The following NARS2 variants were observed in gnomAD, a reference collection of about 807,000 sequenced individuals.
NARS2 encodes the protein asparaginyl-tRNA synthetase 2, mitochondrial.
Under a neutral mutation model 62.9 loss-of-function variants are expected in NARS2, and 60 were observed. That is an observed-to-expected ratio of 0.95 (90% confidence interval 0.77 to 1.18). The LOEUF (loss-of-function observed/expected upper bound fraction) is 1.18. Ranked by LOEUF, NARS2 falls within the 50% of genes most tolerant of loss-of-function variation. The probability of loss-of-function intolerance (pLI) is 0.00; values close to 1 mark genes in which losing one functional copy is unlikely to be tolerated. For missense variants in NARS2, 619 were observed against 576.4 expected (o/e 1.07, Z -0.76); for synonymous variants, 196 against 200.0 (o/e 0.98, Z 0.17).
chr11:78,545,745 G>A (rs1000277333), intron 5 of NARS2, among the ~76,000 whole-genome samples: 7 of 151,994 alleles, frequency 4.6e-5, no homozygotes, highest in South Asian at 4.2e-4. Flanking sequence ...TATTGGCCAG[G>A]CTGGTCTCGA....
intron 6 of NARS2, among the ~76,000 whole-genome samples, chr11:78,516,408 T>A (rs1033647251): frequency 1.3e-5 from 2 of 152,246 alleles, no homozygotes; most frequent in African/African-American, 4.8e-5. Context: ...CACTTCCGTG[T>A]AATCACTCTA....
At chr11:78,548,108 A>G (rs912265495) in intron 5 of NARS2, among the ~76,000 whole-genome samples, 1 of 152,154 alleles carries the variant, frequency 6.6e-6, no homozygotes, top group Non-Finnish European at 1.5e-5. Context: ...CCAGCTACAC[A>G]GGAGGCTGAG....
chr11:78,565,001 A>C (rs1176068648), intron 4 of NARS2, among the ~76,000 whole-genome samples: 1 of 152,216 alleles, frequency 6.6e-6, no homozygotes, highest in Non-Finnish European at 1.5e-5. Flanking sequence ...TCTGCAAATT[A>C]GGTGGATCTG....
chr11:78,572,426 A>T (rs576348513), intron 1 of NARS2, among the ~76,000 whole-genome samples: 1 of 152,186 alleles, frequency 6.6e-6, no homozygotes, highest in African/African-American at 2.4e-5. Context: ...CGATTAGTAG[A>T]GTTGAGATTC....
chr11:78,467,713 T>C (rs1858682706), intron 10 of NARS2, among the ~76,000 whole-genome samples: 1 of 152,132 alleles, frequency 6.6e-6, no homozygotes, highest in Non-Finnish European at 1.5e-5. Context: ...AGTTATAAGA[T>C]GAACAAGTTC....
chr11:78,462,712 C>G (rs1414815039), intron 11 of NARS2, among the ~76,000 whole-genome samples: 1 of 152,030 alleles, frequency 6.6e-6, no homozygotes, highest in Non-Finnish European at 1.5e-5. Flanking sequence ...AAAGTTGTTT[C>G]TGGATTTAGA....
intron 11 of NARS2, among the ~76,000 whole-genome samples, chr11:78,449,778 TC>T (rs1359596898): frequency 6.6e-6 from 1 of 152,184 alleles, no homozygotes; most frequent in Admixed American, 6.5e-5. Context: ...CCAGTTATAC[TC>T]CCCTTGTTGT....
chr11:78,512,524 G>A (rs541034480), intron 6 of NARS2, among the ~76,000 whole-genome samples: 2 of 152,214 alleles, frequency 1.3e-5, no homozygotes, highest in South Asian at 4.1e-4. Context: ...TCTGTAATGT[G>A]GCCACTATAA....
At chr11:78,465,472 C>T (rs562856878) in intron 11 of NARS2, among the ~76,000 whole-genome samples, 155 of 152,374 alleles carry the variant, frequency 1.0e-3, no homozygotes, top group African/African-American at 2.6e-3. Context: ...CTCTCAGTGC[C>T]ACTGCTCTCA....
chr11:78,531,919 T>C, intron 5 of NARS2, among the ~76,000 whole-genome samples: 1 of 152,176 alleles, frequency 6.6e-6, no homozygotes, highest in East Asian at 1.9e-4. Context: ...GGTTTTCTTC[T>C]GGGGTGGTAA....
rs59917269 is a variant in NARS2, at chr11:78,538,994, C to CAAAAAAAAA, written c.595-10067_595-10059dup. Among the ~76,000 whole-genome samples, 28 of 49,794 alleles carry CAAAAAAAAA rather than the reference C, an allele frequency of 5.6e-4. 2 individuals are homozygous for CAAAAAAAAA. The highest frequency in any genetic ancestry group is 1.8e-3 in the African/African-American group (20 of 11,066). The allele number at this position is 49,794 out of a possible 152,430, so 32.7% of individuals were successfully genotyped here. On this transcript the variant is annotated intron_variant, in intron 5 of 13. Coordinates refer to ENST00000281038, the MANE Select transcript of NARS2 (RefSeq NM_024678.6). Reference sequence around the variant, plus strand: ...TGGGCGACAGAGCGAGAATCCGTCTCAAAAAAAAAAAAAAAAAAAAAAAAA... The same window carrying CAAAAAAAAA: ...TGGGCGACAGAGCGAGAATCCGTCTCAAAAAAAAAAAAAAAAAAAAAAAAAAAAAAAAAA...
Position 78,574,423 on chromosome 11 carries a change from G to C in NARS2, c.66C>G (p.His22Gln), listed in dbSNP as rs1166771117. The change falls in exon 1 of 14, where the codon CAC (histidine) becomes CAG (glutamine). Residue 22 changes from histidine (H) to glutamine (Q), a missense_variant. Transcript: ENST00000281038. ...RFCSSAPFPK[H>Q]KPSAKLSVRD... is the part of the protein sequence containing the mutation. ...GCACGCTCAGTTTGGCTGAAGGTTTGTGCTTGGGGAAGGGGGCGGAGGAAC... is the reference window on the plus strand; with the variant it reads ...GCACGCTCAGTTTGGCTGAAGGTTTCTGCTTGGGGAAGGGGGCGGAGGAAC... 6.2e-6 allele frequency: 10 copies of C among 1,614,206 alleles called. No individual in the cohort carries two copies. The highest frequency in any genetic ancestry group is 7.6e-6 in the Non-Finnish European group (9 of 1,180,036).
chr11:78,548,676 C>T (rs1000939758), intron 5 of NARS2, among the ~76,000 whole-genome samples: 1 of 152,168 alleles, frequency 6.6e-6, no homozygotes, highest in Non-Finnish European at 1.5e-5. Context: ...AATTGAGGAT[C>T]GTGGTGGTAA....
At chr11:78,468,310 G>GAAAGAAAAAAAAAAAAAAAAAA (rs1858712382) in intron 10 of NARS2, among the ~76,000 whole-genome samples, 2 of 67,436 alleles carry the variant, frequency 3.0e-5, no homozygotes, top group African/African-American at 1.2e-4. Context: ...CACTAAATCT[G>GAAAGAAAAAAAAAAAAAAAAAA]AAAAAAAAAA....
chr11:78,503,588 T>C (rs184385998), intron 6 of NARS2, among the ~76,000 whole-genome samples: 1 of 152,292 alleles, frequency 6.6e-6, no homozygotes, highest in East Asian at 1.9e-4. Flanking sequence ...AAGGCACAGA[T>C]AATTGATACG....
chr11:78,572,918 A>G (rs938610699), intron 1 of NARS2, among the ~76,000 whole-genome samples: 1 of 152,238 alleles, frequency 6.6e-6, no homozygotes, highest in Non-Finnish European at 1.5e-5. Context: ...TGGACCAGAC[A>G]AAGTTCAAGT....
chr11:78,491,692 C>T (rs542038170), intron 7 of NARS2, among the ~76,000 whole-genome samples: 29 of 152,312 alleles, frequency 1.9e-4, no homozygotes, highest in South Asian at 6.2e-4. Context: ...ACAGTTCACA[C>T]TTCCCACTGT....
In NARS2 at chr11:78,574,654, T is replaced by A. The variant is rs184695752; in HGVS notation, c.-166A>T. On this transcript the variant is annotated 5_prime_UTR_variant, in exon 1 of 14. Coordinates refer to ENST00000281038, the MANE Select transcript of NARS2 (RefSeq NM_024678.6). The stretch of plus-strand genomic sequence containing the variant: ...CGCTTTCTCCTTCAGGACTCCCAGC[T>A]CTGTCCCCACAGAACCTCTCCGCTT... The A allele has an allele frequency of 8.6e-6, 6 of 699,834 alleles. No individual in the cohort carries two copies. The highest frequency in any genetic ancestry group is 1.4e-5 in the Non-Finnish European group (6 of 430,906). The allele number at this position is 699,834 out of a possible 1,614,324, so 43.4% of individuals were successfully genotyped here. A position where few individuals can be genotyped will look rare whatever the true frequency, so the allele number is the denominator to read the frequency against.
At chr11:78,506,352 T>C (rs745366968) in intron 6 of NARS2, among the ~76,000 whole-genome samples, 18 of 152,190 alleles carry the variant, frequency 1.2e-4, no homozygotes, top group Non-Finnish European at 2.1e-4. Flanking sequence ...TAAAAACATA[T>C]GTCCACACAC....
Sources: gnomAD v4.1 joint callset for allele counts (sites outside exome capture counted in the v4.1 genomes callset) on GRCh38, gnomAD v4.1.1 for gene constraint, MANE v1.5 for transcripts, NCBI Gene and HGNC (gene_info 2026-07-23, HGNC 2026-07-21) for gene names.